Variants in BLM observed in about 807,000 individuals in gnomAD.
BLM encodes the protein BLM RecQ like helicase.
A neutral mutation model predicts 135.3 loss-of-function variants in BLM; 95 were observed. The observed-to-expected ratio is 0.70, with a 90% CI of 0.59 to 0.83. The LOEUF (loss-of-function observed/expected upper bound fraction) is 0.83, where lower values mean the gene tolerates loss of function less well. Ranked by LOEUF, BLM falls within the 40% of genes least tolerant of loss-of-function variation. The pLI is 0.00. For synonymous variants in BLM, 520 were observed against 589.2 expected, an observed-to-expected ratio of 0.88 and a Z score of 1.70; for missense variants, 1,518 against 1,663.9, an observed-to-expected ratio of 0.91 and a Z score of 1.53.
At chr15:90,788,471 G>GTTTTTTTTTTTTTTTTTTT (rs35158343) in intron 14 of BLM, among the ~76,000 whole-genome samples, 13 of 95,008 alleles carry the variant, frequency 1.4e-4, no homozygotes, top group South Asian at 4.3e-4. Context: ...CCAGTGTTTT[G>GTTTTTTTTTTTTTTTTTTT]TTTTTTTTTT....
chr15:90,735,271 A>ATATATATATATATG, intron 1 of BLM, among the ~76,000 whole-genome samples: 1 of 139,236 alleles, frequency 7.2e-6, no homozygotes, highest in South Asian at 2.3e-4. Flanking sequence ...ATATATATAT[A>ATATATATATATATG]TTTAAGTTAA....
chr15:90,738,940 CAT>C (rs752218995), intron 1 of BLM, among the ~76,000 whole-genome samples: 1 of 152,178 alleles, frequency 6.6e-6, no homozygotes, highest in East Asian at 1.9e-4. Flanking sequence ...AAAAATTAAA[CAT>C]AAATTACCAT....
In BLM at chr15:90,782,939, C is replaced by T; in HGVS notation, c.2662+11C>T. On this transcript the variant is annotated intron_variant, in intron 13 of 21. Transcript: ENST00000355112. ...GAAAGCACCACCCATGTGAGTACAGCCATGTGATTAGCTGTCTAGAAGTAA... is the reference window on the plus strand; with the variant it reads ...GAAAGCACCACCCATGTGAGTACAGTCATGTGATTAGCTGTCTAGAAGTAA... 1 of 1,580,492 alleles carries T rather than the reference C, an allele frequency of 6.3e-7. No individual in the cohort carries two copies. The highest frequency in any genetic ancestry group is 8.7e-7 in the Non-Finnish European group (1 of 1,149,514).
intron 17 of BLM, 140 bp from the exon 18 acceptor site, chr15:90,803,381 C>T (rs1278613325): frequency 3.1e-6 from 2 of 654,272 alleles, no homozygotes; most frequent in Non-Finnish European, 5.2e-6. Flanking sequence ...TCTCATTTAA[C>T]AGAAATGAGT....
intron 17 of BLM, among the ~76,000 whole-genome samples, chr15:90,802,654 T>G (rs1050838944): frequency 6.6e-6 from 1 of 152,106 alleles, no homozygotes; most frequent in African/African-American, 2.4e-5. Flanking sequence ...TGTCAAAAAT[T>G]GTTTGTAGCC....
chr15:90,731,700 A>G (rs1406439300), intron 1 of BLM, among the ~76,000 whole-genome samples: 2 of 152,168 alleles, frequency 1.3e-5, no homozygotes, highest in Non-Finnish European at 2.9e-5. Context: ...TGTCTATAGC[A>G]TATGTAATTA....
At chr15:90,729,548 A>G (rs932832675) in intron 1 of BLM, among the ~76,000 whole-genome samples, 11 of 152,150 alleles carry the variant, frequency 7.2e-5, no homozygotes, top group Non-Finnish European at 1.3e-4. Flanking sequence ...AGCAACTTTG[A>G]GTCCTCCTGA....
intron 13 of BLM, 70 bp downstream of exon 13, chr15:90,782,998 A>G (rs1875949932): frequency 8.2e-7 from 1 of 1,214,678 alleles, no homozygotes; most frequent in Non-Finnish European, 1.2e-6. Context: ...TAAGATATAT[A>G]AAATTGCATA....
intron 12 of BLM, among the ~76,000 whole-genome samples, chr15:90,781,074 G>A (rs575054697): frequency 6.6e-6 from 1 of 152,310 alleles, no homozygotes; most frequent in South Asian, 2.1e-4. Flanking sequence ...ATAATGGAGA[G>A]AACAAGCTCA....
At chr15:90,786,610 A>G (rs981666081) in intron 14 of BLM, among the ~76,000 whole-genome samples, 1 of 151,724 alleles carries the variant, frequency 6.6e-6, no homozygotes, top group Non-Finnish European at 1.5e-5. Context: ...TTTTATTTAC[A>G]TGGAAGACCA....
intron 12 of BLM, among the ~76,000 whole-genome samples, chr15:90,771,571 C>A (rs1896317362): frequency 6.7e-6 from 1 of 149,746 alleles, no homozygotes; most frequent in Admixed American, 6.7e-5. Context: ...GTAAGTACTT[C>A]TGTAAGTACT....
At chr15:90,726,923 C>T (rs187293574) in intron 1 of BLM, among the ~76,000 whole-genome samples, 1 of 152,256 alleles carries the variant, frequency 6.6e-6, no homozygotes, top group East Asian at 1.9e-4. Context: ...GATATACTGA[C>T]ATCTTTTCCT....
intron 1 of BLM, among the ~76,000 whole-genome samples, chr15:90,735,578 G>A (rs1217181176): frequency 4.6e-5 from 2 of 43,110 alleles, no homozygotes; most frequent in Admixed American, 3.2e-4. Context: ...AATTATTAGG[G>A]CAGAGATGGA....
chr15:90,792,434 A>G (rs1896928373), intron 15 of BLM, among the ~76,000 whole-genome samples: 1 of 151,598 alleles, frequency 6.6e-6, no homozygotes, highest in Admixed American at 6.6e-5. Context: ...ACTCTGGCAG[A>G]AGTACAGTGC....
At chr15:90,756,422 T>C (rs962766711) in intron 5 of BLM, among the ~76,000 whole-genome samples, 1 of 152,196 alleles carries the variant, frequency 6.6e-6, no homozygotes, top group Non-Finnish European at 1.5e-5. Context: ...GTAGTTTCTG[T>C]TATCCCCATT....
In BLM at chr15:90,758,257, G is replaced by A. The variant is rs183230172; in HGVS notation, c.1088-1890G>A. On this transcript the variant is annotated intron_variant, in intron 5 of 21. Coordinates refer to ENST00000355112, the MANE Select transcript of BLM (RefSeq NM_000057.4). ...AATCCCAGCACTTTGGGAGACCGAG[G>A]TGAGTGGATCATTTGAGGTTTAGGA... Among the ~76,000 whole-genome samples, 307 of 152,212 alleles carry A rather than the reference G, an allele frequency of 2.0e-3. 2 individuals are homozygous for A. The highest frequency in any genetic ancestry group is 7.1e-3 in the African/African-American group (294 of 41,554).
chr15:90,746,433 A>G lies in BLM; in HGVS notation c.-4-956A>G, dbSNP rs8040225. Among the ~76,000 whole-genome samples, 377 of 152,350 alleles carry G rather than the reference A, an allele frequency of 2.5e-3. 3 individuals are homozygous for G. Among genetic ancestry groups the G allele is most frequent in the African/African-American group, 8.7e-3 (363 of 41,574 alleles). On this transcript the variant is annotated intron_variant, in intron 1 of 21. Transcript: ENST00000355112. ...CTGGAGAAAGTGGGACAAAAGCTGT[A>G]TTATGATCATGCTTATAAACATGAA...
chr15:90,786,000 T>TTCTC (rs1175306394), intron 14 of BLM, among the ~76,000 whole-genome samples: 1 of 113,806 alleles, frequency 8.8e-6, no homozygotes, highest in Non-Finnish European at 1.8e-5. Context: ...GTTTCTTTCT[T>TTCTC]TTTTTTTTTT....
chr15:90,796,674 A>C (rs150782492), intron 16 of BLM, among the ~76,000 whole-genome samples: 2 of 152,332 alleles, frequency 1.3e-5, no homozygotes, highest in Non-Finnish European at 2.9e-5. Context: ...TTAACAGTCC[A>C]TTCGAGCTTT....
Sources: gnomAD v4.1 joint callset for allele counts (sites outside exome capture counted in the v4.1 genomes callset) on GRCh38, gnomAD v4.1.1 for gene constraint, MANE v1.5 for transcripts, NCBI Gene and HGNC (gene_info 2026-07-23, HGNC 2026-07-21) for gene names.